The following RANBP17 variants were observed in gnomAD, a reference collection of about 807,000 sequenced individuals.
RANBP17 encodes RAN binding protein 17.
Under a neutral mutation model 141.2 loss-of-function variants are expected in RANBP17, and 158 were observed. That is an observed-to-expected ratio of 1.12 (90% confidence interval 0.98 to 1.28). The LOEUF (loss-of-function observed/expected upper bound fraction) is 1.28, where lower values mean the gene tolerates loss of function less well. Ranked by LOEUF, RANBP17 falls within the 50% of genes most tolerant of loss-of-function variation. The probability of loss-of-function intolerance (pLI) is 0.00; values close to 1 mark genes in which losing one functional copy is unlikely to be tolerated. For missense variants in RANBP17, 1,438 were observed against 1,290.7 expected, an observed-to-expected ratio of 1.11 and a Z score of -1.75; for synonymous variants, 430 against 450.0, an observed-to-expected ratio of 0.96 and a Z score of 0.56.
intron 14 of RANBP17, among the ~76,000 whole-genome samples, chr5:170,978,929 A>G (rs1456644059): frequency 6.6e-6 from 1 of 152,198 alleles, no homozygotes; most frequent in Non-Finnish European, 1.5e-5. Context: ...TATCAGTAGA[A>G]GAATGGATGA....
At chr5:171,206,258 GA>G (rs1762574982) in intron 20 of RANBP17, 2 of 159,912 alleles carry the variant, frequency 1.3e-5, no homozygotes, top group African/African-American at 4.8e-5. Context: ...ACTGTGTTGT[GA>G]ACCTTGGCAA....
At chr5:171,256,344 G>A (rs1283779944) in intron 24 of RANBP17, among the ~76,000 whole-genome samples, 3 of 152,158 alleles carry the variant, frequency 2.0e-5, no homozygotes, top group Admixed American at 6.5e-5. Flanking sequence ...TGTCTGTAAA[G>A]CATTTAAGGT....
intron 14 of RANBP17, among the ~76,000 whole-genome samples, chr5:171,091,118 G>T (rs1001038507): frequency 5.9e-5 from 9 of 152,080 alleles, no homozygotes; most frequent in African/African-American, 2.2e-4. Flanking sequence ...TGGAAAATCT[G>T]CAGACATTCA....
intron 20 of RANBP17, among the ~76,000 whole-genome samples, chr5:171,208,287 T>C (rs1762689802): frequency 6.6e-6 from 1 of 152,218 alleles, no homozygotes; most frequent in African/African-American, 2.4e-5. Context: ...CAAACTACAT[T>C]GCTTTTCACT....
chr5:170,892,642 T>G, intron 4 of RANBP17, 89 bp downstream of exon 4: 1 of 943,052 alleles, frequency 1.1e-6, no homozygotes, highest in Non-Finnish European at 1.6e-6. Flanking sequence ...ATAGTTTGTT[T>G]TGTGACTACC....
At chr5:170,938,892 TG>T (rs1028389411) in intron 12 of RANBP17, among the ~76,000 whole-genome samples, 2 of 150,990 alleles carry the variant, frequency 1.3e-5, no homozygotes, top group African/African-American at 5.0e-5. Context: ...GAAGAAATTC[TG>T]AGAATTTTTT....
chr5:171,242,594 C>A lies in RANBP17; in HGVS notation c.2638-88C>A. On this transcript the variant is annotated intron_variant, in intron 23 of 27. Coordinates refer to ENST00000523189, the MANE Select transcript of RANBP17 (RefSeq NM_022897.5). ...TTGTGTTTAAATAAGTTTACAATTTCCAGTATTATAAATGACAATTTTCAC... is the reference window on the plus strand; with the variant it reads ...TTGTGTTTAAATAAGTTTACAATTTACAGTATTATAAATGACAATTTTCAC... 3 of 1,352,910 alleles carry A rather than the reference C, an allele frequency of 2.2e-6. No individual in the cohort carries two copies. In the South Asian group the frequency reaches 3.8e-5, roughly 17 times the overall value. The allele number at this position is 1,352,910 out of a possible 1,614,324, so 83.8% of individuals were successfully genotyped here. A position where few individuals can be genotyped will look rare whatever the true frequency, so the allele number is the denominator to read the frequency against.
intron 14 of RANBP17, among the ~76,000 whole-genome samples, chr5:171,011,670 A>T (rs1172867217): frequency 1.3e-5 from 2 of 151,980 alleles, no homozygotes; most frequent in African/African-American, 2.4e-5. Flanking sequence ...GTTACATAAC[A>T]TCATGAGAGT....
At chr5:171,046,800 G>T (rs1351606308) in intron 14 of RANBP17, among the ~76,000 whole-genome samples, 2 of 152,020 alleles carry the variant, frequency 1.3e-5, no homozygotes, top group Admixed American at 6.6e-5. Context: ...AATGTCATTT[G>T]TAATCTTTGC....
chr5:171,057,872 A>G (rs1011893709), intron 14 of RANBP17, among the ~76,000 whole-genome samples: 1 of 152,032 alleles, frequency 6.6e-6, no homozygotes, highest in African/African-American at 2.4e-5. Flanking sequence ...CCATGATCCA[A>G]TTACCTACAC....
At chr5:171,146,194 G>T (rs564458612) in intron 14 of RANBP17, among the ~76,000 whole-genome samples, 1 of 152,120 alleles carries the variant, frequency 6.6e-6, no homozygotes, top group East Asian at 1.9e-4. Context: ...TCTTCTATGC[G>T]TATAAGAGTT....
intron 24 of RANBP17, among the ~76,000 whole-genome samples, chr5:171,259,230 C>T (rs904824072): frequency 5.9e-5 from 9 of 152,206 alleles, no homozygotes; most frequent in Admixed American, 5.2e-4. Flanking sequence ...CAGATGTTGT[C>T]AAGGATGCAG....
chr5:170,947,372 C>T (rs993313510), intron 12 of RANBP17, among the ~76,000 whole-genome samples: 20 of 151,978 alleles, frequency 1.3e-4, no homozygotes, highest in Non-Finnish European at 2.8e-4. Context: ...GACAAAAATA[C>T]CTGTTTTCAT....
intron 14 of RANBP17, among the ~76,000 whole-genome samples, chr5:171,033,519 CT>C (rs1292536472): frequency 6.6e-6 from 1 of 152,114 alleles, no homozygotes; most frequent in Non-Finnish European, 1.5e-5. Context: ...CCTTTTCTAA[CT>C]TTAGAGGTTA....
At position 170,911,046 on chromosome 5, in the gene RANBP17, C is replaced by T. The variant is rs1283828361; in HGVS notation, c.672C>T (p.Asn224=). 6.2e-7 allele frequency: 1 copy of T among 1,612,094 alleles called. No individual in the cohort carries two copies. Among genetic ancestry groups the T allele is most frequent in the African/African-American group, 1.3e-5 (1 of 74,808 alleles). ...LVMQVLKLVL[N]CLNFDFIGSS... ...TGCAGGTCTTGAAACTGGTCCTTAACTGCCTTAACTTTGACTTCATTGGCA... is the reference window on the plus strand; with the variant it reads ...TGCAGGTCTTGAAACTGGTCCTTAATTGCCTTAACTTTGACTTCATTGGCA... The change falls in exon 7 of 28, where the codon AAC becomes AAT. Residue 224 remains asparagine, a synonymous_variant. Transcript: ENST00000523189.
intron 22 of RANBP17, among the ~76,000 whole-genome samples, chr5:171,239,584 C>T (rs894070561): frequency 3.9e-5 from 6 of 152,086 alleles, no homozygotes; most frequent in Non-Finnish European, 7.4e-5. Flanking sequence ...GATCAGCCCT[C>T]CTGAAATAAT....
intron 14 of RANBP17, among the ~76,000 whole-genome samples, chr5:171,103,438 G>A (rs78916624): frequency 0.035 from 5,266 of 152,162 alleles, 148 homozygotes; most frequent in East Asian, 0.12. Flanking sequence ...GGTAATGGTG[G>A]ATTCCCCTCC....
intron 14 of RANBP17, among the ~76,000 whole-genome samples, chr5:171,129,195 A>G (rs1435111010): frequency 6.6e-6 from 1 of 152,220 alleles, no homozygotes. Flanking sequence ...TGAAGCAACA[A>G]GTCTAGCTGT....
chr5:171,172,494 T>C (rs1448728401), intron 16 of RANBP17, among the ~76,000 whole-genome samples: 1 of 151,620 alleles, frequency 6.6e-6, no homozygotes, highest in African/African-American at 2.4e-5. Flanking sequence ...TCATTTGGCT[T>C]TTTAAGATAT....
Sources: gnomAD v4.1 joint callset for allele counts (sites outside exome capture counted in the v4.1 genomes callset) on GRCh38, gnomAD v4.1.1 for gene constraint, MANE v1.5 for transcripts, NCBI Gene and HGNC (gene_info 2026-07-23, HGNC 2026-07-21) for gene names.